The following THSD4 variants were observed in gnomAD, a reference collection of about 807,000 sequenced individuals.
The protein encoded by THSD4 is thrombospondin type 1 domain containing 4, also known as thrombospondin type-1 domain-containing protein 4.
THSD4 carries 69 observed loss-of-function variants against 119.0 expected under a neutral mutation model. The observed-to-expected ratio is 0.58, with a 90% CI of 0.48 to 0.71. THSD4 has a LOEUF of 0.71. THSD4 is among the 30% of genes least tolerant of loss of function. THSD4 has a pLI of 0.00. For synonymous variants in THSD4, 524 were observed against 540.4 expected (o/e 0.97, Z 0.42); for missense variants, 1,393 against 1,391.1 (o/e 1.00, Z -0.02).
chr15:71,367,797 A>C (rs554805168), intron 6 of THSD4, among the ~76,000 whole-genome samples: 11 of 152,276 alleles, frequency 7.2e-5, no homozygotes, highest in South Asian at 6.2e-4. Flanking sequence ...GGCTATATAC[A>C]CAGTAATGGG....
intron 6 of THSD4, among the ~76,000 whole-genome samples, chr15:71,401,738 G>C (rs539472039): frequency 2.6e-5 from 4 of 152,104 alleles, no homozygotes; most frequent in Non-Finnish European, 5.9e-5. Context: ...TTGACCCAGC[G>C]ATCCCATTAC....
chr15:71,663,517 A>C (rs569904940), intron 8 of THSD4, among the ~76,000 whole-genome samples: 123 of 152,312 alleles, frequency 8.1e-4, no homozygotes, highest in Middle Eastern at 3.4e-3. Flanking sequence ...TAAAAAATTG[A>C]TCTATAATTC....
At chr15:71,521,183 G>C (rs1342905505) in intron 7 of THSD4, among the ~76,000 whole-genome samples, 1 of 152,064 alleles carries the variant, frequency 6.6e-6, no homozygotes, top group Non-Finnish European at 1.5e-5. Context: ...ACAGTACTCA[G>C]ATAATACTTT....
chr15:71,249,908 G>C (rs1017086477), intron 5 of THSD4, among the ~76,000 whole-genome samples: 2 of 151,936 alleles, frequency 1.3e-5, no homozygotes, highest in Non-Finnish European at 2.9e-5. Flanking sequence ...CACTCCTGCT[G>C]ATCTACACTA....
chr15:71,410,259 A>G (rs1185954550), intron 6 of THSD4, among the ~76,000 whole-genome samples: 3 of 152,180 alleles, frequency 2.0e-5, no homozygotes, highest in Non-Finnish European at 2.9e-5. Flanking sequence ...CTGGGATACA[A>G]AAGTGAATAA....
intron 7 of THSD4, among the ~76,000 whole-genome samples, chr15:71,436,892 G>A (rs1200424987): frequency 6.6e-6 from 1 of 152,152 alleles, no homozygotes; most frequent in Non-Finnish European, 1.5e-5. Flanking sequence ...AAAGTCTCTT[G>A]GGCCCACAGA....
At chr15:71,187,542 TTC>T (rs2141434188) in intron 3 of THSD4, 1 of 152,762 alleles carries the variant, frequency 6.5e-6, no homozygotes, top group South Asian at 2.1e-4. Context: ...ACAAGGCTCA[TTC>T]TCTCTGAGAA....
At chr15:71,426,670 CA>C (rs2140525104) in intron 7 of THSD4, among the ~76,000 whole-genome samples, 1 of 152,212 alleles carries the variant, frequency 6.6e-6, no homozygotes, top group African/African-American at 2.4e-5. Flanking sequence ...CTAATTTGCC[CA>C]AATTCCAACT....
intron 1 of THSD4, among the ~76,000 whole-genome samples, chr15:71,130,216 T>C (rs2040490903): frequency 6.6e-6 from 1 of 152,090 alleles, no homozygotes; most frequent in South Asian, 2.1e-4. Flanking sequence ...GACAGAGTCT[T>C]TCTCTGTTGA....
intron 17 of THSD4, 100 bp downstream of exon 17, chr15:71,771,308 A>G (rs1268907085): frequency 1.4e-6 from 2 of 1,440,464 alleles, no homozygotes; most frequent in Admixed American, 4.0e-5. Context: ...TCTTTCTGTG[A>G]CCTTGCACAC....
Position 71,298,362 on chromosome 15 carries a change from G to A in THSD4, c.1015+41647G>A, listed in dbSNP as rs187179133. Reference sequence around the variant, plus strand: ...TAGCTTTGTAGCACATTTTATATCAGGAAATGTAAGTCTTCCAACTTTGTT... The same window carrying A: ...TAGCTTTGTAGCACATTTTATATCAAGAAATGTAAGTCTTCCAACTTTGTT... On this transcript the variant is annotated intron_variant, in intron 6 of 17. Transcript: ENST00000261862. 1.5e-4 allele frequency among the ~76,000 whole-genome samples: 23 copies of A among 152,144 alleles called. No individual in the cohort carries two copies. The East Asian group carries it at 3.3e-3, about 22-fold the overall frequency.
At chr15:71,737,212 G>A (rs929658679) in intron 10 of THSD4, among the ~76,000 whole-genome samples, 2 of 152,240 alleles carry the variant, frequency 1.3e-5, no homozygotes, top group Non-Finnish European at 2.9e-5. Context: ...GATAGAAACT[G>A]AATTGCTAGG....
chr15:71,697,581 G>A (rs1001827508), intron 8 of THSD4, among the ~76,000 whole-genome samples: 18 of 152,328 alleles, frequency 1.2e-4, no homozygotes, highest in African/African-American at 3.8e-4. Context: ...GGATCCAGAC[G>A]ACAGAAGAGG....
intron 15 of THSD4, among the ~76,000 whole-genome samples, chr15:71,761,961 C>T (rs550365488): frequency 2.6e-5 from 4 of 152,304 alleles, no homozygotes; most frequent in African/African-American, 9.6e-5. Context: ...ATCTCCATGT[C>T]CACCACCAAT....
intron 1 of THSD4, among the ~76,000 whole-genome samples, chr15:71,136,735 T>G (rs897817321): frequency 1.3e-5 from 2 of 151,960 alleles, no homozygotes; most frequent in Admixed American, 1.3e-4. Flanking sequence ...CTTGAGAGAC[T>G]GAGCAGATCC....
At chr15:71,212,989 T>C (rs2043900003) in intron 3 of THSD4, among the ~76,000 whole-genome samples, 1 of 152,224 alleles carries the variant, frequency 6.6e-6, no homozygotes, top group Non-Finnish European at 1.5e-5. Flanking sequence ...TTCCTTGTTC[T>C]CCAAGTATGA....
At chr15:71,199,766 G>GTGTGTGTA (rs2043771460) in intron 3 of THSD4, among the ~76,000 whole-genome samples, 2 of 111,436 alleles carry the variant, frequency 1.8e-5, no homozygotes, top group Non-Finnish European at 3.6e-5. Context: ...TGATGTGTGT[G>GTGTGTGTA]GTGTGTGTGG....
intron 1 of THSD4, among the ~76,000 whole-genome samples, chr15:71,121,085 A>G (rs2040405097): frequency 1.3e-5 from 2 of 152,182 alleles, no homozygotes; most frequent in Non-Finnish European, 2.9e-5. Context: ...ACAAATTTGT[A>G]GTTGCCAGAC....
At chr15:71,533,874 A>G (rs1246605210) in intron 7 of THSD4, among the ~76,000 whole-genome samples, 3 of 152,184 alleles carry the variant, frequency 2.0e-5, no homozygotes, top group African/African-American at 7.2e-5. Flanking sequence ...CAGGCTTAGT[A>G]ATGCATATAT....
Sources: allele counts gnomAD v4.1 joint callset (sites outside exome capture counted in the v4.1 genomes callset), GRCh38; gene constraint gnomAD v4.1.1; transcripts MANE v1.5; gene names NCBI Gene and HGNC (gene_info 2026-07-23, HGNC 2026-07-21).